The following ITFG2 variants were observed in gnomAD, a reference collection of about 807,000 sequenced individuals.
ITFG2 encodes KICSTOR complex protein ITFG2.
In ITFG2, 36 loss-of-function variants were observed where a neutral mutation model predicts 54.4. That is an observed-to-expected ratio of 0.66 (90% CI 0.51 to 0.87). The LOEUF (loss-of-function observed/expected upper bound fraction) is 0.87. Ranked by LOEUF, ITFG2 falls within the 40% of genes least tolerant of loss-of-function variation. The pLI, the probability that ITFG2 is intolerant of heterozygous loss-of-function variation, is 0.00. For missense variants in ITFG2, 524 were observed against 576.7 expected (o/e 0.91, Z 0.94); for synonymous variants, 211 against 225.4 (o/e 0.94, Z 0.57).
intron 1 of ITFG2, among the ~76,000 whole-genome samples, chr12:2,816,383 G>T (rs958702328): frequency 3.4e-5 from 5 of 146,648 alleles, no homozygotes; most frequent in Non-Finnish European, 7.4e-5. Context: ...AGGCTGGAGT[G>T]CAGTGGTACA....
At chr12:2,828,324 A>T, downstream of ITFG2, 3 of 1,613,474 alleles carry the variant, frequency 1.9e-6, no homozygotes, top group Non-Finnish European at 2.5e-6. Context: ...TTTGGGCCAC[A>T]TTCTTACCCC....
intron 2 of ITFG2, among the ~76,000 whole-genome samples, chr12:2,846,008 G>A (rs1372672968): frequency 6.6e-6 from 1 of 152,136 alleles, no homozygotes; most frequent in Non-Finnish European, 1.5e-5. Flanking sequence ...GCCTGGCTGG[G>A]GGTTGCCTCG....
Position 2,824,345 on chromosome 12 carries a change from C to A in ITFG2, c.*152C>A. The A allele has an allele frequency of 2.5e-6, 2 of 809,656 alleles. No individual in the cohort carries two copies. The highest frequency in any genetic ancestry group is 2.1e-6 in the Non-Finnish European group (1 of 481,798). 50.2% of individuals were successfully genotyped at this position (809,656 alleles called of 1,614,324 possible). ...AAGATGGCAGCAGCCCTAGGGTGAC[C>A]GTGAACTATAGACCTCGCAGTCTTT... On this transcript the variant is annotated 3_prime_UTR_variant, in exon 12 of 12. Transcript: ENST00000228799.
intron 2 of ITFG2, among the ~76,000 whole-genome samples, chr12:2,850,755 C>G (rs2098067702): frequency 6.6e-6 from 1 of 151,724 alleles, no homozygotes; most frequent in Non-Finnish European, 1.5e-5. Context: ...TCACTGCAAC[C>G]TCCATCTCCC....
chr12:2,813,774 T>TGGG (rs764901806), intron 1 of ITFG2, among the ~76,000 whole-genome samples: 1 of 152,166 alleles, frequency 6.6e-6, no homozygotes, highest in Non-Finnish European at 1.5e-5. Flanking sequence ...CACCGCCCCC[T>TGGG]AGTGCTGTGA....
chr12:2,815,207 ATC>A (rs140975705), intron 1 of ITFG2, among the ~76,000 whole-genome samples: 348 of 152,340 alleles, frequency 2.3e-3, no homozygotes, highest in Admixed American at 3.6e-3. Context: ...TCACCTGTTT[ATC>A]TCTGTTGCCT....
At chr12:2,824,006 G>A (rs749018244) in intron 11 of ITFG2, 63 bp downstream of exon 11, 72 of 1,612,484 alleles carry the variant, frequency 4.5e-5, no homozygotes, top group Middle Eastern at 3.3e-4. Flanking sequence ...TGCAGGAGCT[G>A]GGCGTGGGTG....
intron 1 of ITFG2, among the ~76,000 whole-genome samples, chr12:2,814,592 A>G (rs12822010): frequency 0.25 from 37,738 of 152,012 alleles, 5,290 homozygotes; most frequent in East Asian, 0.47. Flanking sequence ...CACTTTGGGA[A>G]GCTGAGATGG....
At position 2,821,326 on chromosome 12, in the gene ITFG2, G is replaced by T; in HGVS notation, c.760G>T (p.Val254Phe). The change falls in exon 7 of 12, where the codon GTC (valine) becomes TTC (phenylalanine). Residue 254 changes from valine (V) to phenylalanine (F), a missense_variant. By Grantham distance (50) the Val-to-Phe change is conservative (BLOSUM62 -1). Transcript: ENST00000228799. The stretch of plus-strand genomic sequence containing the variant: ...ATCTGGCCGTATCCACAACAAGAAT[G>T]TCTCCACTCACCTAATTGGCAACAT... ...QTSGRIHNKN[V>F]STHLIGNIKQ... The T allele has an allele frequency of 6.2e-7, 1 of 1,609,734 alleles. No homozygotes were observed. Among genetic ancestry groups the T allele is most frequent in the South Asian group, 1.1e-5 (1 of 90,156 alleles).
intron 2 of ITFG2, chr12:2,855,499 AAAGGTGGGT>A: frequency 7.5e-7 from 1 of 1,340,250 alleles, no homozygotes; most frequent in South Asian, 1.8e-5. Context: ...AGGGGTGCAG[AAAGGTGGGT>A]GAGGCACTCC....
exon 1 of ITFG2, chr12:2,836,943 C>G (rs2098029472): frequency 6.6e-6 from 1 of 152,252 alleles, no homozygotes; most frequent in African/African-American, 2.4e-5. Flanking sequence ...GTTGTACTTT[C>G]AGCTTCCAGA....
intron 2 of ITFG2, chr12:2,857,143 C>T: frequency 2.9e-6 from 2 of 697,152 alleles, no homozygotes. Context: ...AGAGAAGAGG[C>T]CCTCACCTGT....
chr12:2,817,459 T>G (rs1462045896), intron 2 of ITFG2, 141 bp downstream of exon 2: 3 of 618,500 alleles, frequency 4.9e-6, no homozygotes, highest in Non-Finnish European at 8.5e-6. Flanking sequence ...TTGCAGCCAA[T>G]TTGATTCAGG....
Position 2,821,475 on chromosome 12 carries a change from A to G in ITFG2, c.794-68A>G, listed in dbSNP as rs1224390885. On this transcript the variant is annotated intron_variant, in intron 7 of 11. Coordinates refer to ENST00000228799, the MANE Select transcript of ITFG2 (RefSeq NM_018463.4). Reference sequence around the variant, plus strand: ...CCCTGTCCTTCCCCTGCTGCTGCAGAACACCCCTCTCCCCGTAGGCTCTGA... The same window carrying G: ...CCCTGTCCTTCCCCTGCTGCTGCAGGACACCCCTCTCCCCGTAGGCTCTGA... 5 of 1,579,454 alleles carry G rather than the reference A, an allele frequency of 3.2e-6. No individual in the cohort carries two copies. In the East Asian group the frequency reaches 1.1e-4, roughly 35 times the overall value.
rs138809142 is a variant in ITFG2, at chr12:2,859,461, G to A, written n.621-73G>A. 2.0e-4 allele frequency: 316 copies of A among 1,613,860 alleles called. 1 individual carries two copies. The African/African-American group carries it at 2.9e-3, about 15-fold the overall frequency. On this transcript the variant is annotated intron_variant and non_coding_transcript_variant, in intron 3 of 3. Transcript: ENST00000537710. ...TGATTCCTCTTTGAAAGATGGGGCC[G>A]GGGAGGGCCACTCTTCCAAGGGAGG...
upstream of ITFG2, among the ~76,000 whole-genome samples, chr12:2,833,890 A>C (rs1565434214): frequency 1.3e-5 from 2 of 152,192 alleles, no homozygotes; most frequent in African/African-American, 4.8e-5. Flanking sequence ...TCAATTGCAC[A>C]AGTTAGTAAA....
chr12:2,826,312 T>C (rs1006752679), downstream of ITFG2: 3 of 151,298 alleles, frequency 2.0e-5, no homozygotes, highest in Non-Finnish European at 2.9e-5. Context: ...AGGCCAGAGA[T>C]GGGGATAGGA....
At chr12:2,822,932 C>A in intron 10 of ITFG2, 21 bp downstream of exon 10, 2 of 1,572,218 alleles carry the variant, frequency 1.3e-6, no homozygotes, top group Non-Finnish European at 1.8e-6. Context: ...CCCCCATGGC[C>A]CCTTTCTAAC....
chr12:2,841,001 A>G (rs1199990070), intron 2 of ITFG2: 1 of 152,636 alleles, frequency 6.6e-6, no homozygotes, highest in Non-Finnish European at 1.5e-5. Flanking sequence ...TGCAGGTAAG[A>G]CAGGGTAGTC....
Sources: gnomAD v4.1 joint callset for allele counts (sites outside exome capture counted in the v4.1 genomes callset) on GRCh38, gnomAD v4.1.1 for gene constraint, MANE v1.5 for transcripts, NCBI Gene and HGNC (gene_info 2026-07-23, HGNC 2026-07-21) for gene names.